Variants in CPA6 observed in about 807,000 individuals in gnomAD.
The protein encoded by CPA6 is carboxypeptidase A6, also known as carboxypeptidase B.
CPA6 carries 58 observed loss-of-function variants against 63.3 expected under a neutral mutation model. The observed-to-expected ratio is 0.92, with a 90% confidence interval of 0.74 to 1.14. The LOEUF is 1.14. CPA6 is among the 50% of genes most tolerant of loss of function. The pLI is 0.00. For synonymous variants in CPA6, 185 were observed against 179.0 expected (o/e 1.03, Z -0.27); for missense variants, 565 against 526.6 (o/e 1.07, Z -0.71).
At chr8:67,490,010 T>C (rs1356596469) in intron 6 of CPA6, among the ~76,000 whole-genome samples, 1 of 152,190 alleles carries the variant, frequency 6.6e-6, no homozygotes, top group Non-Finnish European at 1.5e-5. Context: ...TTGCATATGC[T>C]GTATTTGTGA....
intron 6 of CPA6, among the ~76,000 whole-genome samples, chr8:67,501,709 G>A (rs545621925): frequency 8.9e-4 from 136 of 152,202 alleles, no homozygotes; most frequent in Admixed American, 4.8e-3. Flanking sequence ...ATTGGTCTGA[G>A]TTTCTTTTTC....
intron 2 of CPA6, among the ~76,000 whole-genome samples, chr8:67,611,105 T>G (rs993493347): frequency 2.0e-5 from 3 of 150,202 alleles, no homozygotes; most frequent in Admixed American, 1.3e-4. Flanking sequence ...TTTTTTGAGA[T>G]GGAGTATTGC....
At chr8:67,635,386 T>G (rs371610456) in intron 1 of CPA6, among the ~76,000 whole-genome samples, 1 of 151,730 alleles carries the variant, frequency 6.6e-6, no homozygotes, top group Non-Finnish European at 1.5e-5. Flanking sequence ...TTCTCTCTGC[T>G]CAGGCAGCTC....
chr8:67,448,670 GA>G (rs1040785661), intron 8 of CPA6, among the ~76,000 whole-genome samples: 4 of 75,440 alleles, frequency 5.3e-5, no homozygotes, highest in African/African-American at 2.5e-4. Context: ...GAACGAAAAA[GA>G]AAAAAAAAGA....
intron 8 of CPA6, among the ~76,000 whole-genome samples, chr8:67,475,594 A>G (rs1263603927): frequency 6.6e-6 from 1 of 152,198 alleles, no homozygotes; most frequent in Non-Finnish European, 1.5e-5. Flanking sequence ...CAATGGCCAC[A>G]TGTGGTGGAG....
At chr8:67,721,124 G>A (rs1488991477) in intron 1 of CPA6, among the ~76,000 whole-genome samples, 2 of 152,232 alleles carry the variant, frequency 1.3e-5, no homozygotes, top group East Asian at 3.9e-4. Flanking sequence ...AACATATGGA[G>A]TTAATGGTGC....
chr8:67,506,203 A>G (rs1811923261), intron 6 of CPA6, among the ~76,000 whole-genome samples: 2 of 152,160 alleles, frequency 1.3e-5, no homozygotes, highest in Non-Finnish European at 2.9e-5. Flanking sequence ...TTGTGACTCA[A>G]ATGAAGCATT....
chr8:67,698,058 A>G (rs1405562020), intron 1 of CPA6, among the ~76,000 whole-genome samples: 2 of 152,302 alleles, frequency 1.3e-5, no homozygotes, highest in African/African-American at 4.8e-5. Context: ...CTGTCACTCA[A>G]TGCGAAATCT....
intron 1 of CPA6, among the ~76,000 whole-genome samples, chr8:67,637,853 T>C (rs1815504913): frequency 6.6e-6 from 1 of 151,268 alleles, no homozygotes; most frequent in African/African-American, 2.5e-5. Flanking sequence ...AGCAATACAT[T>C]AGTTTAGTGG....
chr8:67,573,639 TC>T (rs1813544126), intron 2 of CPA6, among the ~76,000 whole-genome samples: 1 of 151,976 alleles, frequency 6.6e-6, no homozygotes, highest in East Asian at 1.9e-4. Flanking sequence ...ACACCTGTAA[TC>T]CCAGCACTTT....
intron 8 of CPA6, among the ~76,000 whole-genome samples, chr8:67,465,004 T>C (rs1587455523): frequency 6.6e-6 from 1 of 152,194 alleles, no homozygotes; most frequent in African/African-American, 2.4e-5. Flanking sequence ...TCCTTTTGGG[T>C]TCCATATGAA....
intron 2 of CPA6, among the ~76,000 whole-genome samples, chr8:67,566,983 T>G (rs1023845474): frequency 6.6e-6 from 1 of 152,202 alleles, no homozygotes; most frequent in East Asian, 1.9e-4. Flanking sequence ...TGACCTGGCA[T>G]GAAAAGGCAA....
intron 1 of CPA6, among the ~76,000 whole-genome samples, chr8:67,744,384 T>C (rs1817968594): frequency 6.6e-6 from 1 of 152,162 alleles, no homozygotes; most frequent in African/African-American, 2.4e-5. Context: ...TGAAACTTTT[T>C]CCTGAAGGGT....
chr8:67,503,005 T>C (rs1811859248), intron 6 of CPA6, among the ~76,000 whole-genome samples: 1 of 152,148 alleles, frequency 6.6e-6, no homozygotes, highest in Non-Finnish European at 1.5e-5. Flanking sequence ...GTTGAGTTCC[T>C]TTATATCCTT....
chr8:67,435,762 G>T (rs1246380230), intron 8 of CPA6, among the ~76,000 whole-genome samples: 2 of 151,996 alleles, frequency 1.3e-5, no homozygotes, highest in Admixed American at 6.5e-5. Flanking sequence ...GCTCTTATTT[G>T]CACCCTCCCC....
chr8:67,675,612 G>A (rs1162701647), intron 1 of CPA6, among the ~76,000 whole-genome samples: 1 of 152,114 alleles, frequency 6.6e-6, no homozygotes, highest in Admixed American at 6.5e-5. Flanking sequence ...CTAGGCATTT[G>A]CCTTTTAAAA....
chr8:67,515,340 T>A (rs1221041578), intron 3 of CPA6, among the ~76,000 whole-genome samples: 1 of 152,204 alleles, frequency 6.6e-6, no homozygotes. Context: ...TGCTTTTCCT[T>A]GTGCCCACTG....
At chr8:67,631,818 G>C (rs1173245791) in intron 1 of CPA6, among the ~76,000 whole-genome samples, 1 of 152,090 alleles carries the variant, frequency 6.6e-6, no homozygotes, top group Non-Finnish European at 1.5e-5. Context: ...GAACCCACCG[G>C]GAGGAATGAA....
At chr8:67,643,694 G>C (rs1172888309) in intron 1 of CPA6, among the ~76,000 whole-genome samples, 1 of 152,246 alleles carries the variant, frequency 6.6e-6, no homozygotes, top group East Asian at 1.9e-4. Flanking sequence ...TTAGCTGAGT[G>C]GTGGACATAT....
Sources: allele counts gnomAD v4.1 joint callset (sites outside exome capture counted in the v4.1 genomes callset), GRCh38; gene constraint gnomAD v4.1.1; transcripts MANE v1.5; gene names NCBI Gene and HGNC (gene_info 2026-07-23, HGNC 2026-07-21).